The following ZNF517 variants were observed in gnomAD, a reference collection of about 807,000 sequenced individuals.
ZNF517 encodes zinc finger protein 517.
A neutral mutation model predicts 12.1 loss-of-function variants in ZNF517; 12 were observed. The ratio of observed to expected loss-of-function variants is 0.99; its 90% confidence interval spans 0.63 to 1.61. ZNF517 has a LOEUF of 1.61. ZNF517 is among the 40% of genes most tolerant of loss of function. The pLI is 0.00. For synonymous variants in ZNF517, 388 were observed against 310.2 expected, an observed-to-expected ratio of 1.25 and a Z score of -2.63; for missense variants, 781 against 693.2, an observed-to-expected ratio of 1.13 and a Z score of -1.42.
chr8:144,806,677 G>T (rs548078504), intron 4 of ZNF517, among the ~76,000 whole-genome samples: 1 of 151,976 alleles, frequency 6.6e-6, no homozygotes, highest in African/African-American at 2.4e-5. Context: ...TAGAGATGGG[G>T]TTTCACCGTG....
Position 144,809,963 on chromosome 8 carries a change from G to A in ZNF517, c.*1568G>A, listed in dbSNP as rs1462007275. ...AGCTACTCGGGAGGCTGAAGCAGGA[G>A]AATCACTTCAACCTGGGAGGTAGAG... is the stretch of plus-strand genomic sequence containing the variant. On this transcript the variant is annotated 3_prime_UTR_variant, in exon 5 of 5. Transcript: ENST00000359971. The A allele has an allele frequency of 6.9e-6, 3 of 432,882 alleles. No individual in the cohort carries two copies. Among genetic ancestry groups the A allele is most frequent in the African/African-American group, 4.0e-5 (2 of 50,418 alleles). The allele number at this position is 432,882 out of a possible 1,614,324, so 26.8% of individuals were successfully genotyped here. A position where few individuals can be genotyped will look rare whatever the true frequency, so the allele number is the denominator to read the frequency against.
chr8:144,807,967 C>T lies in ZNF517; in HGVS notation c.1051C>T (p.Gln351Ter). Residue 351 changes from glutamine to a stop codon, truncating the protein, a stop_gained, in exon 5 of 5, where the codon CAG (glutamine) becomes TAG (stop). Transcript: ENST00000359971. LOFTEE classifies it low-confidence loss of function (END_TRUNC). ...QEGAQDGGVG[Q>*]GALLGAAQRP... The stretch of plus-strand genomic sequence containing the variant: ...GGGTGCCCAGGACGGCGGCGTGGGG[C>T]AGGGCGCCCTGCTCGGAGCTGCGCA... 1 of 1,508,096 alleles carries T rather than the reference C, an allele frequency of 6.6e-7. No individual in the cohort carries two copies. The highest frequency in any genetic ancestry group is 8.9e-7 in the Non-Finnish European group (1 of 1,129,868). 93.4% of individuals were successfully genotyped at this position (1,508,096 alleles called of 1,614,324 possible).
downstream of ZNF517, among the ~76,000 whole-genome samples, chr8:144,812,875 T>C (rs1827596863): frequency 6.6e-6 from 1 of 152,112 alleles, no homozygotes; most frequent in Non-Finnish European, 1.5e-5. Context: ...AAAACATTCT[T>C]AGAACAAACA....
At chr8:144,804,084 C>T in intron 3 of ZNF517, 41 bp from the exon 4 acceptor site, 1 of 1,596,650 alleles carries the variant, frequency 6.3e-7, no homozygotes, top group Non-Finnish European at 8.6e-7. Context: ...TCCCTTCTCC[C>T]TCCTGTACTG....
Position 144,807,738 on chromosome 8 carries a change from C to G in ZNF517, c.822C>G (p.Ser274=). 1 of 1,612,014 alleles carries G rather than the reference C, an allele frequency of 6.2e-7. No individual in the cohort carries two copies. Among genetic ancestry groups the G allele is most frequent in the South Asian group, 1.1e-5 (1 of 91,022 alleles). ...GCGGCAAGGCCTTCAGCCGCAGCTC[C>G]CGGCTGCTGCAGCACCAGAAGTTCC... The part of the protein sequence containing the change: ...GECGKAFSRS[S]RLLQHQKFHT... The change falls in exon 5 of 5, where the codon TCC becomes TCG. Residue 274 remains serine, a synonymous_variant. Coordinates refer to ENST00000359971, the MANE Select transcript of ZNF517 (RefSeq NM_213605.3).
chr8:144,803,309 C>A, intron 2 of ZNF517: 1 of 458,054 alleles, frequency 2.2e-6, no homozygotes. Flanking sequence ...AAATTGAGAC[C>A]CAGAGGGTGG....
intron 1 of ZNF517, among the ~76,000 whole-genome samples, chr8:144,799,508 G>A (rs1436495454): frequency 2.0e-5 from 3 of 152,232 alleles, no homozygotes; most frequent in Non-Finnish European, 4.4e-5. Context: ...ATAGAGGTGA[G>A]GCGTTAGTGT....
At chr8:144,800,779 G>T in intron 1 of ZNF517, 1 of 778,498 alleles carries the variant, frequency 1.3e-6, no homozygotes, top group Non-Finnish European at 1.6e-6. Flanking sequence ...AAAGGGCTCT[G>T]CTGCCAAATG....
rs905474014 is a variant in ZNF517, at chr8:144,809,501, G to A, written c.*1106G>A. 1.3e-5 allele frequency: 2 copies of A among 152,254 alleles called. No homozygotes were observed. The highest frequency in any genetic ancestry group is 4.8e-5 in the African/African-American group (2 of 41,470). The allele number at this position is 152,254 out of a possible 1,614,324, so 9.4% of individuals were successfully genotyped here. A position where few individuals can be genotyped will look rare whatever the true frequency, so the allele number is the denominator to read the frequency against. ...GACAAGCAAATTCTCTTTTCTGGAG[G>A]GAGACACCCATCTCCTGCCCTTGGA... On this transcript the variant is annotated 3_prime_UTR_variant, in exon 5 of 5. Coordinates refer to ENST00000359971, the MANE Select transcript of ZNF517 (RefSeq NM_213605.3).
chr8:144,811,811 C>G (rs1246008696), downstream of ZNF517, among the ~76,000 whole-genome samples: 162 of 124,036 alleles, frequency 1.3e-3, 1 homozygote, highest in Middle Eastern at 5.8e-3. Context: ...GGGAGAGACA[C>G]GGACAGTAAA....
chr8:144,800,694 C>G (rs1826915885), intron 1 of ZNF517: 1 of 985,276 alleles, frequency 1.0e-6, no homozygotes. Context: ...CGTTTGCAGT[C>G]TGTGCCCTCT....
Position 144,807,651 on chromosome 8 carries a change from C to G in ZNF517, c.735C>G (p.Ser245Arg), listed in dbSNP as rs750640320. Residue 245 changes from serine (S) to arginine (R), a missense_variant, in exon 5 of 5, where the codon AGC becomes AGG. Physicochemically the swap from Ser to Arg is moderately radical, Grantham distance 110. Transcript: ENST00000359971. ...AGTGCGGGAAGGCCTTCCGGCAGAG[C>G]ACGCAGCTGGCTGCCCACCACCGCG... ...CGECGKAFRQ[S>R]TQLAAHHRVH... The G allele has an allele frequency of 1.1e-5, 17 of 1,608,674 alleles. No individual in the cohort carries two copies. The highest frequency in any genetic ancestry group is 2.2e-5 in the South Asian group (2 of 90,870).
chr8:144,802,840 C>G (rs766084273), intron 1 of ZNF517, 30 bp from the exon 2 acceptor site: 15 of 1,612,126 alleles, frequency 9.3e-6, no homozygotes, highest in Non-Finnish European at 1.2e-5. Flanking sequence ...GGCCTGGGCT[C>G]TTTCCACTCA....
intron 2 of ZNF517, 145 bp downstream of exon 2, chr8:144,803,092 T>C: frequency 9.3e-7 from 1 of 1,072,278 alleles, no homozygotes; most frequent in South Asian, 1.6e-5. Context: ...GCCTCCTCGC[T>C]CTATGGCCAG....
At position 144,802,958 on chromosome 8, in the gene ZNF517, CCT is replaced by C; in HGVS notation, c.33+12_33+13del. The C allele has an allele frequency of 1.9e-6, 3 of 1,613,900 alleles. No homozygotes were observed. The highest frequency in any genetic ancestry group is 2.2e-5 in the East Asian group (1 of 44,872). ...ATGCCTGGACCTCAGGTGAGCACCC[CCT>C]GAGCCCGTCCATTGCCCCAGGAGAC... On this transcript the variant is annotated intron_variant, in intron 2 of 4. Coordinates refer to ENST00000359971, the MANE Select transcript of ZNF517 (RefSeq NM_213605.3).
intron 4 of ZNF517, among the ~76,000 whole-genome samples, chr8:144,806,046 A>T (rs1827212518): frequency 6.6e-6 from 1 of 152,154 alleles, no homozygotes; most frequent in Non-Finnish European, 1.5e-5. Flanking sequence ...TATTTTCTTT[A>T]TTACACTGGA....
intron 1 of ZNF517, among the ~76,000 whole-genome samples, chr8:144,801,472 T>C (rs1237806371): frequency 1.3e-5 from 2 of 152,038 alleles, no homozygotes; most frequent in Non-Finnish European, 2.9e-5. Context: ...ACCATTGCAC[T>C]CCCGCCTGGG....
At chr8:144,803,852 G>A (rs948241159) in intron 3 of ZNF517, 85 bp downstream of exon 3, 28 of 1,533,326 alleles carry the variant, frequency 1.8e-5, no homozygotes, top group African/African-American at 2.8e-5. Flanking sequence ...CAGATTCAAG[G>A]TCTGACACAT....
rs774555808 is a variant in ZNF517, at chr8:144,808,095, GA to G, written c.1181del (p.Lys394SerfsTer46). 5.6e-6 allele frequency: 9 copies of G among 1,611,706 alleles called. No homozygotes were observed. The Admixed American group carries it at 1.5e-4, about 27-fold the overall frequency. ...LLHLRLHTGE[K>X]PFECAECGKA... ...TGCACCTGCGCCTACACACGGGCGA[GA>G]AGCCGTTCGAGTGCGCGGAGTGCGG... On this transcript the variant is annotated frameshift_variant, in exon 5 of 5. Transcript: ENST00000359971. LOFTEE classifies it low-confidence loss of function (END_TRUNC).
Sources: gnomAD v4.1 joint callset for allele counts (sites outside exome capture counted in the v4.1 genomes callset) on GRCh38, gnomAD v4.1.1 for gene constraint, MANE v1.5 for transcripts, NCBI Gene and HGNC (gene_info 2026-07-23, HGNC 2026-07-21) for gene names.